KIAA1217: variants seen among roughly 807,000 people sequenced by gnomAD.
The protein encoded by KIAA1217 is KIAA1217.
In KIAA1217, 88 loss-of-function variants were observed where a neutral mutation model predicts 163.9. The ratio of observed to expected loss-of-function variants is 0.54; its 90% CI spans 0.45 to 0.64. The LOEUF is 0.64. Ranked by LOEUF, KIAA1217 falls within the 30% of genes least tolerant of loss-of-function variation. The pLI, the probability that KIAA1217 is intolerant of heterozygous loss-of-function variation, is 0.00. For synonymous variants in KIAA1217, 903 were observed against 923.1 expected, an observed-to-expected ratio of 0.98 and a Z score of 0.39; for missense variants, 2,372 against 2,475.0, an observed-to-expected ratio of 0.96 and a Z score of 0.88.
At chr10:24,147,666 A>G (rs1015841230) in intron 2 of KIAA1217, among the ~76,000 whole-genome samples, 1 of 151,648 alleles carries the variant, frequency 6.6e-6, no homozygotes, top group African/African-American at 2.4e-5. Context: ...AACATGACGA[A>G]ATCCAGTCTC....
intron 2 of KIAA1217, among the ~76,000 whole-genome samples, chr10:24,250,288 A>G (rs1055489280): frequency 4.6e-5 from 7 of 152,142 alleles, no homozygotes. Flanking sequence ...GAGAAAGAAT[A>G]CTTGGTGGTT....
chr10:24,041,708 G>A (rs968779448), intron 2 of KIAA1217, among the ~76,000 whole-genome samples: 6 of 152,166 alleles, frequency 3.9e-5, no homozygotes, highest in African/African-American at 1.2e-4. Flanking sequence ...AATTATGTAA[G>A]GTGGGCATTC....
At chr10:23,780,437 C>T (rs948630216) in intron 1 of KIAA1217, among the ~76,000 whole-genome samples, 8 of 152,098 alleles carry the variant, frequency 5.3e-5, no homozygotes, top group African/African-American at 1.9e-4. Flanking sequence ...TGTTTAGTCA[C>T]CTTTTGTTTG....
rs750079614 is a variant in KIAA1217 at position 23,792,883 on chromosome 10, T to G, written c.-321+97649T>G. ...TTATAACTACTCCATTCTATAGAAC[T>G]GCATTTCTCTGAGATTTGCTTGCTT... On this transcript the variant is annotated intron_variant, in intron 1 of 18. Coordinates refer to the KIAA1217 transcript ENST00000376462. Among the ~76,000 whole-genome samples the G allele has an allele frequency of 5.9e-5, 9 of 152,298 alleles. No homozygotes were observed. In the South Asian group the frequency reaches 1.9e-3, roughly 32 times the overall value.
At chr10:23,824,906 C>T (rs895695047) in intron 1 of KIAA1217, among the ~76,000 whole-genome samples, 1 of 151,834 alleles carries the variant, frequency 6.6e-6, no homozygotes, top group Non-Finnish European at 1.5e-5. Flanking sequence ...CATAAATGTC[C>T]TGATTTGGAC....
rs184257112 is a variant in KIAA1217 at position 24,392,192 on chromosome 10, C to T, written c.553+11125C>T. ...ATAAGACAAAAGAAGAAATGTAAGG[C>T]ATTATTACATGGATTGCATTGTTTA... is the stretch of plus-strand genomic sequence containing the variant. On this transcript the variant is annotated intron_variant, in intron 3 of 20. Coordinates refer to ENST00000376454, the MANE Select transcript of KIAA1217 (RefSeq NM_019590.5). 1.6e-3 allele frequency among the ~76,000 whole-genome samples: 248 copies of T among 151,840 alleles called. 1 individual carries two copies. The highest frequency in any genetic ancestry group is 2.7e-3 in the Non-Finnish European group (186 of 67,968).
At chr10:23,696,340 G>A (rs1321350763) in intron 1 of KIAA1217, among the ~76,000 whole-genome samples, 3 of 152,210 alleles carry the variant, frequency 2.0e-5, no homozygotes, top group Admixed American at 6.5e-5. Flanking sequence ...TTGATGAAAC[G>A]ATCCTAGGAA....
At chr10:24,075,141 C>T (rs957489244) in intron 2 of KIAA1217, among the ~76,000 whole-genome samples, 2 of 151,318 alleles carry the variant, frequency 1.3e-5, no homozygotes, top group Admixed American at 1.3e-4. Context: ...CACACACACA[C>T]ACACACACAC....
At chr10:23,970,093 G>A (rs1409270424) in intron 1 of KIAA1217, among the ~76,000 whole-genome samples, 2 of 152,266 alleles carry the variant, frequency 1.3e-5, no homozygotes, top group South Asian at 2.1e-4. Context: ...TGGGAATTAT[G>A]GGAGCTATAG....
At chr10:23,830,687 T>TAGGA (rs1259191574) in intron 1 of KIAA1217, among the ~76,000 whole-genome samples, 4 of 151,262 alleles carry the variant, frequency 2.6e-5, no homozygotes, top group African/African-American at 9.7e-5. Flanking sequence ...GGTAGGTAGG[T>TAGGA]AGGTAGGTAG....
intron 1 of KIAA1217, among the ~76,000 whole-genome samples, chr10:23,779,979 G>GTGTA (rs1835183891): frequency 1.3e-5 from 2 of 152,192 alleles, no homozygotes; most frequent in South Asian, 4.1e-4. Flanking sequence ...TAGCCTAGGT[G>GTGTA]TGTAGTAGGC....
Position 24,125,100 on chromosome 10 carries a change from C to T in KIAA1217, c.-170-94526C>T, listed in dbSNP as rs904025723. Reference sequence around the variant, plus strand: ...AAGCCTGGCCAATACGGTAAAACCCCGTCTCCACTAAAAATACAAAAATTA... The same window carrying T: ...AAGCCTGGCCAATACGGTAAAACCCTGTCTCCACTAAAAATACAAAAATTA... On this transcript the variant is annotated intron_variant, in intron 2 of 18. Coordinates refer to the KIAA1217 transcript ENST00000376462. 3.3e-5 allele frequency among the ~76,000 whole-genome samples: 5 copies of T among 152,102 alleles called. No homozygotes were observed. In the South Asian group the frequency reaches 6.2e-4, roughly 19 times the overall value.
At chr10:23,824,631 GAAAAA>G (rs1216051100) in intron 1 of KIAA1217, among the ~76,000 whole-genome samples, 212 of 11,356 alleles carry the variant, frequency 0.019, no homozygotes, top group African/African-American at 0.03. Flanking sequence ...TCTGTCTCAA[GAAAAA>G]AAAAAAAAAA....
intron 1 of KIAA1217, among the ~76,000 whole-genome samples, chr10:23,719,365 GAGGCCAGGCATTCAA>G (rs1837739720): frequency 6.6e-6 from 1 of 152,114 alleles, no homozygotes; most frequent in Admixed American, 6.6e-5. Context: ...CAGATCACTT[GAGGCCAGGCATTCAA>G]GACCAGCCTG....
chr10:24,233,771 C>T (rs1486633169), intron 2 of KIAA1217, among the ~76,000 whole-genome samples: 1 of 152,168 alleles, frequency 6.6e-6, no homozygotes, highest in African/African-American at 2.4e-5. Context: ...TACATACGCA[C>T]ACATATATAT....
At chr10:23,739,175 A>T (rs1265520696) in intron 1 of KIAA1217, among the ~76,000 whole-genome samples, 1 of 152,190 alleles carries the variant, frequency 6.6e-6, no homozygotes, top group East Asian at 1.9e-4. Flanking sequence ...ACATATTCTC[A>T]CTTATAAGTG....
intron 2 of KIAA1217, among the ~76,000 whole-genome samples, chr10:24,152,742 T>A (rs1490306049): frequency 6.7e-6 from 1 of 149,298 alleles, no homozygotes; most frequent in Non-Finnish European, 1.5e-5. Context: ...AAAAAAAAAC[T>A]CTTTGTAAAG....
intron 2 of KIAA1217, among the ~76,000 whole-genome samples, chr10:24,017,040 G>GTTTTTTTTTTTTTTTTTTT (rs35042335): frequency 7.7e-6 from 1 of 130,224 alleles, no homozygotes; most frequent in Non-Finnish European, 1.6e-5. Flanking sequence ...TAGTTTTTTT[G>GTTTTTTTTTTTTTTTTTTT]TTTTTTTTTT....
chr10:24,441,587 G>T (rs1353483439), intron 5 of KIAA1217, among the ~76,000 whole-genome samples: 1 of 152,118 alleles, frequency 6.6e-6, no homozygotes, highest in Non-Finnish European at 1.5e-5. Flanking sequence ...CTAGCATCTA[G>T]CTGAGCATTT....
Sources: gnomAD v4.1 joint callset for allele counts (sites outside exome capture counted in the v4.1 genomes callset) on GRCh38, gnomAD v4.1.1 for gene constraint, MANE v1.5 for transcripts, NCBI Gene and HGNC (gene_info 2026-07-23, HGNC 2026-07-21) for gene names.